The following NRXN3 variants were observed in gnomAD, a reference collection of about 807,000 sequenced individuals.
The protein encoded by NRXN3 is neurexin 3, also known as neurexin III.
NRXN3 carries 32 observed loss-of-function variants against 137.6 expected under a neutral mutation model. The ratio of observed to expected loss-of-function variants is 0.23; its 90% confidence interval spans 0.18 to 0.31. The LOEUF (loss-of-function observed/expected upper bound fraction) is 0.31, where lower values mean the gene tolerates loss of function less well. Ranked by LOEUF, NRXN3 falls within the 10% of genes least tolerant of loss-of-function variation. The pLI is 1.00. For synonymous variants in NRXN3, 798 were observed against 784.5 expected (o/e 1.02, Z -0.29); for missense variants, 1,574 against 2,062.5 (o/e 0.76, Z 4.59).
At chr14:78,634,003 T>A (rs2097545631) in intron 4 of NRXN3, among the ~76,000 whole-genome samples, 2 of 152,232 alleles carry the variant, frequency 1.3e-5, no homozygotes, top group South Asian at 4.2e-4. Flanking sequence ...GATTCAGGCT[T>A]CTCAATGGGG....
intron 16 of NRXN3, among the ~76,000 whole-genome samples, chr14:79,509,312 G>C (rs757174882): frequency 6.6e-6 from 1 of 152,140 alleles, no homozygotes; most frequent in Non-Finnish European, 1.5e-5. Flanking sequence ...TTTGAGACCA[G>C]CTTGCCAATA....
chr14:79,400,869 C>G (rs183511960), intron 15 of NRXN3, among the ~76,000 whole-genome samples: 1 of 152,110 alleles, frequency 6.6e-6, no homozygotes, highest in Non-Finnish European at 1.5e-5. Flanking sequence ...TATAGCCCCC[C>G]GTAACAAGCC....
chr14:79,094,177 G>T (rs983213081), intron 15 of NRXN3, among the ~76,000 whole-genome samples: 1 of 152,140 alleles, frequency 6.6e-6, no homozygotes, highest in African/African-American at 2.4e-5. Flanking sequence ...GTTAGAAGGG[G>T]ACATGGCAGA....
At chr14:78,526,852 A>G (rs2096388138) in intron 4 of NRXN3, 5 of 476,512 alleles carry the variant, frequency 1.0e-5, no homozygotes, top group South Asian at 7.7e-5. Context: ...GCTTCCTGAT[A>G]TCCAAGTCAC....
chr14:79,164,057 T>C (rs1455832547), intron 15 of NRXN3, among the ~76,000 whole-genome samples: 1 of 151,950 alleles, frequency 6.6e-6, no homozygotes, highest in Non-Finnish European at 1.5e-5. Context: ...CCTCACTAGC[T>C]CTTCACTTAC....
At chr14:78,863,609 G>A (rs1373169853) in intron 10 of NRXN3, among the ~76,000 whole-genome samples, 1 of 151,928 alleles carries the variant, frequency 6.6e-6, no homozygotes, top group Non-Finnish European at 1.5e-5. Context: ...CCCAACAAGT[G>A]CCTTGACTCT....
intron 4 of NRXN3, among the ~76,000 whole-genome samples, chr14:78,351,816 A>T: frequency 7.1e-6 from 1 of 140,012 alleles, no homozygotes; most frequent in Admixed American, 7.6e-5. Context: ...AGAGGTTTTA[A>T]CATTTTGATG....
chr14:79,587,564 G>C (rs1198197966), intron 16 of NRXN3, among the ~76,000 whole-genome samples: 1 of 152,198 alleles, frequency 6.6e-6, no homozygotes, highest in Non-Finnish European at 1.5e-5. Flanking sequence ...CATTCAACTG[G>C]TGTGTATAGA....
chr14:78,714,902 C>T lies in NRXN3; in HGVS notation c.1807C>T (p.Leu603Phe). 6.2e-7 allele frequency: 1 copy of T among 1,614,142 alleles called. No homozygotes were observed. Among genetic ancestry groups the T allele is most frequent in the South Asian group, 1.1e-5 (1 of 91,082 alleles). The change falls in exon 8 of 21, where the codon CTC (leucine) becomes TTC (phenylalanine). Residue 603 changes from leucine to phenylalanine, a missense_variant. By Grantham distance (22) the Leu-to-Phe change is conservative (BLOSUM62 0). Transcript: ENST00000335750. ...ILPTELWTAM[L>F]NYGYVGCIRD... ...CCCCACCGAGCTGTGGACTGCCATGCTCAACTATGGCTACGTGGGCTGCAT... is the reference window on the plus strand; with the variant it reads ...CCCCACCGAGCTGTGGACTGCCATGTTCAACTATGGCTACGTGGGCTGCAT...
At chr14:79,275,051 G>C (rs2153432086) in intron 15 of NRXN3, among the ~76,000 whole-genome samples, 1 of 152,168 alleles carries the variant, frequency 6.6e-6, no homozygotes, top group African/African-American at 2.4e-5. Context: ...TATGTAGGAT[G>C]GCTTTTTTAA....
At chr14:78,320,653 G>A (rs1473513064) in intron 4 of NRXN3, among the ~76,000 whole-genome samples, 2 of 152,170 alleles carry the variant, frequency 1.3e-5, no homozygotes, top group Non-Finnish European at 2.9e-5. Context: ...AGCAAGGGAG[G>A]AGTGCCTCAC....
intron 3 of NRXN3, among the ~76,000 whole-genome samples, chr14:78,294,156 A>C (rs942069714): frequency 2.6e-5 from 4 of 152,212 alleles, no homozygotes; most frequent in African/African-American, 9.6e-5. Context: ...ATCATCAAAC[A>C]CACACTGAAC....
intron 15 of NRXN3, among the ~76,000 whole-genome samples, chr14:79,129,196 T>C (rs576040256): frequency 0.06 from 9,150 of 151,804 alleles, 985 homozygotes; most frequent in African/African-American, 0.21. Context: ...GCTCTGATTT[T>C]AGTTATTTCT....
At chr14:79,126,697 G>A (rs1209547061) in intron 15 of NRXN3, among the ~76,000 whole-genome samples, 8 of 151,808 alleles carry the variant, frequency 5.3e-5, no homozygotes, top group East Asian at 3.9e-4. Flanking sequence ...CCCAGTAATG[G>A]GATGGCTGGG....
intron 15 of NRXN3, among the ~76,000 whole-genome samples, chr14:79,095,567 T>G (rs1452234569): frequency 1.3e-5 from 2 of 152,144 alleles, no homozygotes; most frequent in East Asian, 1.9e-4. Flanking sequence ...TATTTTTTTT[T>G]TTTACCAGGC....
chr14:78,643,885 G>T (rs1280316309), intron 4 of NRXN3, among the ~76,000 whole-genome samples: 3 of 152,206 alleles, frequency 2.0e-5, no homozygotes, highest in Non-Finnish European at 4.4e-5. Flanking sequence ...GCTCACGCCT[G>T]TAATCCTAAC....
At chr14:78,974,646 A>G (rs1235782187) in intron 14 of NRXN3, among the ~76,000 whole-genome samples, 1 of 152,134 alleles carries the variant, frequency 6.6e-6, no homozygotes, top group Non-Finnish European at 1.5e-5. Flanking sequence ...CATTCTTGTA[A>G]TGACTTGACA....
intron 4 of NRXN3, among the ~76,000 whole-genome samples, chr14:78,323,623 T>A (rs1597332449): frequency 6.6e-6 from 1 of 151,986 alleles, no homozygotes; most frequent in Non-Finnish European, 1.5e-5. Context: ...GATGGATAGG[T>A]CTGCTGTGAC....
In NRXN3 at chr14:78,393,456, TA is replaced by T. The variant is rs1404669046; in HGVS notation, c.757+95597del. ...CCCGTAGGCCTATTTATGATATCCC[TA>T]TTCTGTTCCATTGACCTGTGTCTTT... is the stretch of plus-strand genomic sequence containing the variant. On this transcript the variant is annotated intron_variant, in intron 4 of 20. Coordinates refer to ENST00000335750, the MANE Select transcript of NRXN3 (RefSeq NM_001330195.2). 9.9e-5 allele frequency among the ~76,000 whole-genome samples: 15 copies of T among 152,204 alleles called. No individual in the cohort carries two copies. The South Asian group carries it at 2.9e-3, about 29-fold the overall frequency.
Sources: allele counts gnomAD v4.1 joint callset (sites outside exome capture counted in the v4.1 genomes callset), GRCh38; gene constraint gnomAD v4.1.1; transcripts MANE v1.5; gene names NCBI Gene and HGNC (gene_info 2026-07-23, HGNC 2026-07-21).